Variants in C6orf62 observed in about 807,000 individuals in gnomAD.
The protein encoded by C6orf62 is uncharacterized protein C6orf62.
In C6orf62, 16 loss-of-function variants were observed where a neutral mutation model predicts 26.8. The ratio of observed to expected loss-of-function variants is 0.60; its 90% CI spans 0.40 to 0.91. C6orf62 has a LOEUF of 0.91. Ranked by LOEUF, C6orf62 falls within the 40% of genes least tolerant of loss-of-function variation. The probability of loss-of-function intolerance (pLI) is 0.00; values close to 1 mark genes in which losing one functional copy is unlikely to be tolerated. For synonymous variants in C6orf62, 112 were observed against 91.5 expected, an observed-to-expected ratio of 1.22 and a Z score of -1.28; for missense variants, 192 against 271.4, an observed-to-expected ratio of 0.71 and a Z score of 2.06.
At chr6:24,706,362 C>G (rs959660429) in intron 4 of C6orf62, 100 bp from the exon 5 acceptor site, 6 of 1,493,838 alleles carry the variant, frequency 4.0e-6, no homozygotes, top group Admixed American at 4.1e-5. Context: ...TCTTAACATA[C>G]AGAGTAAGGG....
upstream of C6orf62, chr6:24,720,138 G>A (rs1187958716): frequency 2.9e-6 from 4 of 1,388,048 alleles, no homozygotes; most frequent in African/African-American, 1.5e-5. Flanking sequence ...AGGGGCAGGG[G>A]GTGGAATTGA....
chr6:24,705,917 A>C lies in C6orf62; in HGVS notation c.*220T>G, dbSNP rs1778997910. ...CTGATGCAGTGCAGCAAATATGCAA[A>C]GCATCTTCTTTCACACAGTCCGTGC... On this transcript the variant is annotated 3_prime_UTR_variant, in exon 5 of 5. Coordinates refer to ENST00000378119, the MANE Select transcript of C6orf62 (RefSeq NM_030939.5). The C allele has an allele frequency of 1.9e-6, 1 of 518,220 alleles. No individual in the cohort carries two copies. The highest frequency in any genetic ancestry group is 3.2e-6 in the Non-Finnish European group (1 of 315,706). 32.1% of individuals were successfully genotyped at this position (518,220 alleles called of 1,614,324 possible).
chr6:24,710,032 T>C lies in C6orf62; in HGVS notation c.430-1121A>G, dbSNP rs1035280691. ...TAAAATATGATACAGCATCACAATA[T>C]ACCATATGTAAAATGATACTGAATT... On this transcript the variant is annotated intron_variant, in intron 3 of 4. Coordinates refer to ENST00000378119, the MANE Select transcript of C6orf62 (RefSeq NM_030939.5). 4 of 983,232 alleles carry C rather than the reference T, an allele frequency of 4.1e-6. No individual in the cohort carries two copies. In the East Asian group the frequency reaches 4.5e-4, roughly 112 times the overall value. The allele number at this position is 983,232 out of a possible 1,614,324, so 60.9% of individuals were successfully genotyped here. A position where few individuals can be genotyped will look rare whatever the true frequency, so the allele number is the denominator to read the frequency against.
chr6:24,711,977 T>C lies in C6orf62; in HGVS notation c.429+2341A>G, dbSNP rs374384719. ...GGTAGTGAGTTAAAAGCACAGTCAG[T>C]CCAGGCTTTTATCCTATTTAACTGC... On this transcript the variant is annotated intron_variant, in intron 3 of 4. Transcript: ENST00000378119. Among the ~76,000 whole-genome samples the C allele has an allele frequency of 5.9e-4, 90 of 152,330 alleles. No homozygotes were observed. In the South Asian group the frequency reaches 0.017, roughly 29 times the overall value.
chr6:24,716,572 T>C (rs75474527), intron 1 of C6orf62, among the ~76,000 whole-genome samples: 1,662 of 152,296 alleles, frequency 0.011, 37 homozygotes, highest in African/African-American at 0.036. Flanking sequence ...ATGGTATCCA[T>C]AGCACTATTT....
rs1449372645 is a variant in C6orf62, at chr6:24,718,754, A to C, written c.-86T>G. ...CTTAAGACTCAAGTACAACAGAAAC[A>C]AGTCATTTTTTTTCCTGCTAATATG... On this transcript the variant is annotated 5_prime_UTR_variant, in exon 1 of 5. Coordinates refer to ENST00000378119, the MANE Select transcript of C6orf62 (RefSeq NM_030939.5). 5.1e-6 allele frequency: 8 copies of C among 1,579,934 alleles called. No individual in the cohort carries two copies. The highest frequency in any genetic ancestry group is 2.1e-5 in the Admixed American group (1 of 48,278).
At chr6:24,707,135 T>C (rs1316706862) in intron 4 of C6orf62, 1 of 152,212 alleles carries the variant, frequency 6.6e-6, no homozygotes, top group Admixed American at 6.5e-5. Flanking sequence ...TAAATAAACC[T>C]ATACATATGT....
Position 24,705,841 on chromosome 6 carries a change from T to C in C6orf62, c.*296A>G. The C allele has an allele frequency of 4.3e-6, 1 of 230,564 alleles. No homozygotes were observed. Among genetic ancestry groups the C allele is most frequent in the Non-Finnish European group, 8.5e-6 (1 of 118,006 alleles). The allele number at this position is 230,564 out of a possible 1,614,324, so 14.3% of individuals were successfully genotyped here. A position where few individuals can be genotyped will look rare whatever the true frequency, so the allele number is the denominator to read the frequency against. On this transcript the variant is annotated 3_prime_UTR_variant, in exon 5 of 5. Transcript: ENST00000378119. ...ATCACCTTGTGCTTTCAGATACATT[T>C]AAGCATTTCAGTGTACAATAGTCCT...
At chr6:24,712,690 CAAAA>C (rs10574302) in intron 3 of C6orf62, among the ~76,000 whole-genome samples, 1 of 100,684 alleles carries the variant, frequency 9.9e-6, no homozygotes. Context: ...GACTCTGTCT[CAAAA>C]AAAAAAAAAA....
intron 2 of C6orf62, 77 bp from the exon 3 acceptor site, chr6:24,714,517 T>A: frequency 2.7e-6 from 3 of 1,100,356 alleles, no homozygotes; most frequent in African/African-American, 1.6e-5. Context: ...ATTATAGGGT[T>A]CCCCTATAAA....
At chr6:24,719,914 A>G (rs1325761093), upstream of C6orf62, 11 of 1,550,312 alleles carry the variant, frequency 7.1e-6, no homozygotes, top group Non-Finnish European at 9.6e-6. Context: ...CATCGTGGAA[A>G]CAATTCCCGC....
upstream of C6orf62, chr6:24,719,353 G>A: frequency 1.0e-6 from 1 of 1,004,694 alleles, no homozygotes. Flanking sequence ...TTGGTGGTGA[G>A]CATAGAGAAA....
Position 24,705,944 on chromosome 6 carries a change from C to A in C6orf62, c.*193G>T. 1 of 731,388 alleles carries A rather than the reference C, an allele frequency of 1.4e-6. No individual in the cohort carries two copies. Among genetic ancestry groups the A allele is most frequent in the Non-Finnish European group, 2.1e-6 (1 of 478,502 alleles). 45.3% of individuals were successfully genotyped at this position (731,388 alleles called of 1,614,324 possible). On this transcript the variant is annotated 3_prime_UTR_variant, in exon 5 of 5. Transcript: ENST00000378119. ...CATCTTCTTTCACACAGTCCGTGCA[C>A]GACATCTAATTTTTGTTTAAGTTCT...
rs1023546989 is a variant in C6orf62 at position 24,719,082 on chromosome 6, T to C, written c.-414A>G. 6.1e-6 allele frequency: 6 copies of C among 976,934 alleles called. No individual in the cohort carries two copies. In the African/African-American group the frequency reaches 9.6e-5, roughly 16 times the overall value. The allele number at this position is 976,934 out of a possible 1,614,324, so 60.5% of individuals were successfully genotyped here. On this transcript the variant is annotated 5_prime_UTR_variant, in exon 1 of 5. Transcript: ENST00000378119. Reference sequence around the variant, plus strand: ...GCTGACACCAGACCAATCCCTAAAATCCATCCGGATTTTCCCCCCTTTTTA... The same window carrying C: ...GCTGACACCAGACCAATCCCTAAAACCCATCCGGATTTTCCCCCCTTTTTA...
chr6:24,716,014 G>T, intron 2 of C6orf62, 134 bp downstream of exon 2: 1 of 685,778 alleles, frequency 1.5e-6, no homozygotes. Context: ...TTATCAACAT[G>T]GCACAAAGAC....
upstream of C6orf62, chr6:24,720,047 C>T (rs982876098): frequency 7.9e-4 from 829 of 1,054,018 alleles, no homozygotes; most frequent in Non-Finnish European, 9.4e-4. Flanking sequence ...ATTAAGTTCC[C>T]GGATTAGCTC....
Position 24,705,995 on chromosome 6 carries a change from C to T in C6orf62, c.*142G>A. The T allele has an allele frequency of 2.4e-6, 3 of 1,225,310 alleles. No individual in the cohort carries two copies. Among genetic ancestry groups the T allele is most frequent in the Non-Finnish European group, 3.2e-6 (3 of 925,556 alleles). 75.9% of individuals were successfully genotyped at this position (1,225,310 alleles called of 1,614,324 possible). ...GAGATAAAAATGATTTAAAAAAATC[C>T]AGGATGAACAAGTTTCAAAATGCAT... On this transcript the variant is annotated 3_prime_UTR_variant, in exon 5 of 5. Transcript: ENST00000378119.
upstream of C6orf62, chr6:24,719,360 G>C (rs1246319560): frequency 3.0e-6 from 3 of 1,004,404 alleles, no homozygotes; most frequent in Admixed American, 1.1e-4. Context: ...TGAGCATAGA[G>C]AAAAGTGCAA....
Position 24,714,385 on chromosome 6 carries a change from A to G in C6orf62, c.362T>C (p.Ile121Thr). ...AAACAGGAGACAGACGATTTTTTCA[A>G]TATCATTCCGAGGCCAAAGAATGAA... The part of the protein sequence containing the change: ...MDFILWPRND[I>T]EKIVCLLFSR... Residue 121 changes from isoleucine to threonine, a missense_variant, in exon 3 of 5, where the codon ATT becomes ACT. By Grantham distance (89) the Ile-to-Thr change is moderately conservative. Transcript: ENST00000378119. The G allele has an allele frequency of 3.1e-6, 5 of 1,612,540 alleles. No homozygotes were observed. Among genetic ancestry groups the G allele is most frequent in the Non-Finnish European group, 4.2e-6 (5 of 1,178,868 alleles).
Sources: gnomAD v4.1 joint callset for allele counts (sites outside exome capture counted in the v4.1 genomes callset) on GRCh38, gnomAD v4.1.1 for gene constraint, MANE v1.5 for transcripts, NCBI Gene and HGNC (gene_info 2026-07-23, HGNC 2026-07-21) for gene names.